CNTNAP2: variants seen among roughly 807,000 people sequenced by gnomAD.
CNTNAP2 encodes the protein contactin associated protein 2.
CNTNAP2 carries 98 observed loss-of-function variants against 155.2 expected under a neutral mutation model. The observed-to-expected ratio is 0.63, with a 90% confidence interval of 0.54 to 0.75. The LOEUF (loss-of-function observed/expected upper bound fraction) is 0.75, where lower values mean the gene tolerates loss of function less well. CNTNAP2 is among the 30% of genes least tolerant of loss of function. The pLI is 0.00. For missense variants in CNTNAP2, 1,727 were observed against 1,688.1 expected (o/e 1.02, Z -0.40); for synonymous variants, 651 against 631.2 (o/e 1.03, Z -0.47).
chr7:147,385,110 A>T (rs112606830), intron 9 of CNTNAP2, among the ~76,000 whole-genome samples: 5,146 of 152,226 alleles, frequency 0.034, 112 homozygotes, highest in South Asian at 0.046. Flanking sequence ...AGATCTCATG[A>T]GACTTATTCA....
chr7:146,461,417 TATAATA>T (rs982007321), intron 1 of CNTNAP2, among the ~76,000 whole-genome samples: 3 of 145,104 alleles, frequency 2.1e-5, no homozygotes, highest in South Asian at 2.2e-4. Context: ...AAAAAAAAAA[TATAATA>T]ATAATAATAA....
intron 1 of CNTNAP2, among the ~76,000 whole-genome samples, chr7:146,181,796 AAATAT>A (rs1310925327): frequency 3.3e-5 from 5 of 152,192 alleles, no homozygotes; most frequent in Non-Finnish European, 5.9e-5. Flanking sequence ...CAAAAAAATA[AAATAT>A]AATAAAATGG....
chr7:147,576,304 AAACAAGT>A (rs1800395655), intron 12 of CNTNAP2, among the ~76,000 whole-genome samples: 1 of 152,118 alleles, frequency 6.6e-6, no homozygotes, highest in Non-Finnish European at 1.5e-5. Flanking sequence ...CTAAATAAGA[AAACAAGT>A]TTGAGATAGG....
chr7:148,339,860 TA>T (rs774337074), intron 21 of CNTNAP2, among the ~76,000 whole-genome samples: 20 of 152,132 alleles, frequency 1.3e-4, no homozygotes, highest in Non-Finnish European at 2.5e-4. Context: ...CTTTGGGGAG[TA>T]AATCACAGCG....
chr7:147,808,997 G>T lies in CNTNAP2; in HGVS notation c.2099-94568G>T, dbSNP rs1489715279. 2.0e-5 allele frequency among the ~76,000 whole-genome samples: 3 copies of T among 152,194 alleles called. No individual in the cohort carries two copies. The East Asian group carries it at 5.8e-4, about 29-fold the overall frequency. The stretch of plus-strand genomic sequence containing the variant: ...GTTTTTGTTGAGTTGTCAGGGATCT[G>T]GGAAGAATGGTTTGGCTTTTAGGAG... On this transcript the variant is annotated intron_variant, in intron 13 of 23. Transcript: ENST00000361727.
intron 1 of CNTNAP2, among the ~76,000 whole-genome samples, chr7:146,163,812 AGATTTAC>A (rs905731673): frequency 1.3e-5 from 2 of 152,086 alleles, no homozygotes; most frequent in African/African-American, 4.8e-5. Flanking sequence ...AGATCATTCA[AGATTTAC>A]ACAAGATTGT....
chr7:148,043,478 T>C (rs888141320), intron 15 of CNTNAP2, among the ~76,000 whole-genome samples: 1 of 152,248 alleles, frequency 6.6e-6, no homozygotes, highest in South Asian at 2.1e-4. Context: ...GCTAAGGCTT[T>C]AATTACTGAG....
intron 8 of CNTNAP2, among the ~76,000 whole-genome samples, chr7:147,189,937 G>T (rs1327695678): frequency 3.9e-5 from 6 of 152,004 alleles, no homozygotes; most frequent in Admixed American, 2.6e-4. Context: ...GTAGAGATGG[G>T]GTTTCACCGT....
At chr7:147,633,358 A>C (rs774151935) in intron 12 of CNTNAP2, among the ~76,000 whole-genome samples, 12 of 152,230 alleles carry the variant, frequency 7.9e-5, no homozygotes, top group African/African-American at 2.9e-4. Flanking sequence ...GCTTTGCTAC[A>C]GGGGTCAAGC....
chr7:147,628,868 T>TAAAAAAAAAAAAAAAAAA (rs60644349), intron 12 of CNTNAP2, among the ~76,000 whole-genome samples: 1 of 117,190 alleles, frequency 8.5e-6, no homozygotes, highest in Non-Finnish European at 1.8e-5. Context: ...CAACAGCAGT[T>TAAAAAAAAAAAAAAAAAA]AAAAAAAAAA....
At chr7:147,642,722 C>T (rs565598356) in intron 13 of CNTNAP2, among the ~76,000 whole-genome samples, 3,741 of 152,136 alleles carry the variant, frequency 0.025, 156 homozygotes, top group African/African-American at 0.085. Flanking sequence ...GTAAATATAT[C>T]ACTTTCTTTG....
At chr7:147,751,124 G>T (rs1797129766) in intron 13 of CNTNAP2, among the ~76,000 whole-genome samples, 2 of 151,448 alleles carry the variant, frequency 1.3e-5, no homozygotes, top group African/African-American at 4.8e-5. Flanking sequence ...TAGAAGTTCT[G>T]CCACAATTAG....
intron 9 of CNTNAP2, among the ~76,000 whole-genome samples, chr7:147,320,081 C>T (rs1013612792): frequency 6.6e-6 from 1 of 152,124 alleles, no homozygotes; most frequent in African/African-American, 2.4e-5. Context: ...CATGCAACCT[C>T]TAATTTAACA....
chr7:148,369,643 CATTATTATT>C lies in CNTNAP2; in HGVS notation c.3476-13977_3476-13969del, dbSNP rs10694264. The stretch of plus-strand genomic sequence containing the variant: ...TGTGAGAAATGTTGCTGTTCTTTAT[CATTATTATT>C]ATTATTATTATTATTATTATTATTA... On this transcript the variant is annotated intron_variant, in intron 21 of 23. Coordinates refer to ENST00000361727, the MANE Select transcript of CNTNAP2 (RefSeq NM_014141.6). Among the ~76,000 whole-genome samples the C allele has an allele frequency of 1.7e-3, 244 of 143,450 alleles. 1 individual carries two copies. The highest frequency in any genetic ancestry group is 4.5e-3 in the African/African-American group (177 of 38,996). The allele number at this position is 143,450 out of a possible 152,430, so 94.1% of individuals were successfully genotyped here. A position where few individuals can be genotyped will look rare whatever the true frequency, so the allele number is the denominator to read the frequency against.
At chr7:147,108,887 T>C (rs1017258344) in intron 5 of CNTNAP2, among the ~76,000 whole-genome samples, 2 of 151,590 alleles carry the variant, frequency 1.3e-5, no homozygotes, top group Non-Finnish European at 2.9e-5. Context: ...AGAAAGAAGA[T>C]TACATAGGAA....
At chr7:146,616,563 C>T (rs886502202) in intron 1 of CNTNAP2, among the ~76,000 whole-genome samples, 1 of 152,070 alleles carries the variant, frequency 6.6e-6, no homozygotes, top group Non-Finnish European at 1.5e-5. Context: ...TGGTTTATTA[C>T]TCATTATCCA....
intron 2 of CNTNAP2, among the ~76,000 whole-genome samples, chr7:146,799,494 G>A (rs1802836095): frequency 6.6e-6 from 1 of 152,168 alleles, no homozygotes; most frequent in Non-Finnish European, 1.5e-5. Context: ...TTCGAGTTTA[G>A]TATCTTCTGA....
intron 13 of CNTNAP2, among the ~76,000 whole-genome samples, chr7:147,655,369 C>T (rs1795510307): frequency 6.6e-6 from 1 of 152,096 alleles, no homozygotes; most frequent in African/African-American, 2.4e-5. Flanking sequence ...GTGATCCGCC[C>T]ATCTTGGCCT....
intron 15 of CNTNAP2, among the ~76,000 whole-genome samples, chr7:148,029,750 G>A (rs1050463135): frequency 2.0e-5 from 3 of 152,148 alleles, no homozygotes; most frequent in Admixed American, 2.0e-4. Flanking sequence ...ATATAAATTT[G>A]TAGAATAGGG....
Sources: allele counts gnomAD v4.1 joint callset (sites outside exome capture counted in the v4.1 genomes callset), GRCh38; gene constraint gnomAD v4.1.1; transcripts MANE v1.5; gene names NCBI Gene and HGNC (gene_info 2026-07-23, HGNC 2026-07-21).